The following SENP7 variants were observed in gnomAD, a reference collection of about 807,000 sequenced individuals.
SENP7 encodes sentrin-specific protease 7.
SENP7 carries 64 observed loss-of-function variants against 141.2 expected under a neutral mutation model. The ratio of observed to expected loss-of-function variants is 0.45; its 90% CI spans 0.37 to 0.56. SENP7 has a LOEUF of 0.56. Among genes scored for constraint, SENP7 ranks in the 20% least tolerant of loss-of-function variants. The pLI, the probability that SENP7 is intolerant of heterozygous loss-of-function variation, is 0.00. For missense variants in SENP7, 1,025 were observed against 1,212.2 expected, an observed-to-expected ratio of 0.85 and a Z score of 2.29; for synonymous variants, 382 against 426.4, an observed-to-expected ratio of 0.90 and a Z score of 1.28.
intron 6 of SENP7, among the ~76,000 whole-genome samples, chr3:101,391,195 A>G (rs1431317341): frequency 6.6e-6 from 1 of 152,094 alleles, no homozygotes; most frequent in East Asian, 1.9e-4. Flanking sequence ...TAGAAAAGCA[A>G]TAACAAACTA....
intron 4 of SENP7, among the ~76,000 whole-genome samples, chr3:101,427,632 C>T (rs910731631): frequency 6.6e-6 from 1 of 152,048 alleles, no homozygotes; most frequent in African/African-American, 2.4e-5. Flanking sequence ...TACAATGCAT[C>T]AGCACAGAAT....
chr3:101,341,917 A>G (rs1398145379), intron 14 of SENP7, 138 bp from the exon 15 acceptor site: 2 of 831,972 alleles, frequency 2.4e-6, no homozygotes, highest in Non-Finnish European at 3.5e-6. Flanking sequence ...TTTTCCATAG[A>G]TATAACCAAA....
intron 4 of SENP7, among the ~76,000 whole-genome samples, chr3:101,430,483 T>C (rs1410160626): frequency 2.6e-5 from 4 of 152,214 alleles, no homozygotes; most frequent in Non-Finnish European, 5.9e-5. Context: ...ATAGAAGTGT[T>C]TATAGTATTC....
At chr3:101,488,189 T>C (rs1340204802) in intron 3 of SENP7, among the ~76,000 whole-genome samples, 1 of 152,178 alleles carries the variant, frequency 6.6e-6, no homozygotes, top group Non-Finnish European at 1.5e-5. Context: ...TAGTCAACTG[T>C]ACTCCTAGGT....
At chr3:101,369,157 T>C (rs2060116106) in intron 7 of SENP7, among the ~76,000 whole-genome samples, 1 of 152,190 alleles carries the variant, frequency 6.6e-6, no homozygotes. Context: ...AAAAATACCT[T>C]CCAAAAGTTT....
chr3:101,376,482 A>G (rs1418555812), intron 6 of SENP7, among the ~76,000 whole-genome samples: 1 of 152,248 alleles, frequency 6.6e-6, no homozygotes, highest in Admixed American at 6.5e-5. Flanking sequence ...AGTAACATCA[A>G]CAAGTAAAGT....
chr3:101,497,275 T>C (rs984733778), intron 2 of SENP7, among the ~76,000 whole-genome samples: 2 of 152,224 alleles, frequency 1.3e-5, no homozygotes, highest in African/African-American at 2.4e-5. Context: ...TAAATAGACA[T>C]ATGTATGTTG....
intron 5 of SENP7, among the ~76,000 whole-genome samples, chr3:101,404,725 A>G (rs747412532): frequency 2.0e-5 from 3 of 152,250 alleles, no homozygotes; most frequent in Non-Finnish European, 4.4e-5. Context: ...ACAAATTAAC[A>G]TGAAAAAAAG....
intron 6 of SENP7, among the ~76,000 whole-genome samples, chr3:101,386,843 G>A (rs1248265384): frequency 1.3e-5 from 2 of 152,220 alleles, no homozygotes; most frequent in African/African-American, 2.4e-5. Context: ...GAGGGTCTGG[G>A]GACCAGCCTT....
At chr3:101,400,665 A>ATCTC (rs534625544) in intron 5 of SENP7, among the ~76,000 whole-genome samples, 1 of 150,502 alleles carries the variant, frequency 6.6e-6, no homozygotes, top group East Asian at 1.9e-4. Context: ...CCATTCCCCT[A>ATCTC]TCTCTCTCTC....
chr3:101,436,334 G>A (rs1178572452), intron 4 of SENP7, among the ~76,000 whole-genome samples: 1 of 152,086 alleles, frequency 6.6e-6, no homozygotes, highest in Non-Finnish European at 1.5e-5. Flanking sequence ...AGAAAACACT[G>A]GGGAAAATCT....
chr3:101,509,597 C>A (rs909617669), intron 1 of SENP7, among the ~76,000 whole-genome samples: 1 of 152,200 alleles, frequency 6.6e-6, no homozygotes, highest in African/African-American at 2.4e-5. Context: ...TCCATTCATT[C>A]CAATGACTTC....
rs192609897 is a variant in SENP7 at position 101,442,183 on chromosome 3, G to C, written c.284+16772C>G. Among the ~76,000 whole-genome samples, 3 of 152,202 alleles carry C rather than the reference G, an allele frequency of 2.0e-5. No individual in the cohort carries two copies. The East Asian group carries it at 5.8e-4, about 29-fold the overall frequency. On this transcript the variant is annotated intron_variant, in intron 4 of 23. Coordinates refer to ENST00000394095, the MANE Select transcript of SENP7 (RefSeq NM_020654.5). ...AAAAATACAATAATTCTCCAGTAAC[G>C]TAACACAGAGAAAAATATATGTATG...
At chr3:101,413,733 G>A (rs1368202841) in intron 5 of SENP7, among the ~76,000 whole-genome samples, 1 of 148,168 alleles carries the variant, frequency 6.7e-6, no homozygotes, top group African/African-American at 2.5e-5. Context: ...AAAAAAAAAA[G>A]GGAGGGGGGG....
At chr3:101,441,250 C>G (rs1008478675) in intron 4 of SENP7, among the ~76,000 whole-genome samples, 2 of 152,172 alleles carry the variant, frequency 1.3e-5, no homozygotes, top group Non-Finnish European at 2.9e-5. Flanking sequence ...CTGCCAGTGC[C>G]CAACAGCACC....
intron 5 of SENP7, among the ~76,000 whole-genome samples, chr3:101,417,323 T>C (rs1032558529): frequency 6.6e-6 from 1 of 152,138 alleles, no homozygotes; most frequent in Non-Finnish European, 1.5e-5. Context: ...CCTAAAAAGA[T>C]GTGTACATGT....
intron 3 of SENP7, among the ~76,000 whole-genome samples, chr3:101,464,087 A>G (rs903934146): frequency 6.6e-6 from 1 of 152,166 alleles, no homozygotes; most frequent in Non-Finnish European, 1.5e-5. Context: ...AGCCTCCAAA[A>G]GTGCTGGAAT....
chr3:101,455,487 G>A (rs1431222654), intron 4 of SENP7, among the ~76,000 whole-genome samples: 1 of 152,048 alleles, frequency 6.6e-6, no homozygotes, highest in East Asian at 1.9e-4. Flanking sequence ...GTACTCTTAT[G>A]ACTGATATGC....
At chr3:101,405,597 A>G (rs1047916481) in intron 5 of SENP7, among the ~76,000 whole-genome samples, 1 of 152,222 alleles carries the variant, frequency 6.6e-6, no homozygotes, top group Non-Finnish European at 1.5e-5. Context: ...TTTACCTGAA[A>G]AAGAATTCAG....
Sources: allele counts gnomAD v4.1 joint callset (sites outside exome capture counted in the v4.1 genomes callset), GRCh38; gene constraint gnomAD v4.1.1; transcripts MANE v1.5; gene names NCBI Gene and HGNC (gene_info 2026-07-23, HGNC 2026-07-21).